Variants in SRL observed in about 807,000 individuals in gnomAD.
The protein encoded by SRL is sarcalumenin.
In SRL, 23 loss-of-function variants were observed where a neutral mutation model predicts 39.5. The observed-to-expected ratio is 0.58, with a 90% CI of 0.42 to 0.82. The LOEUF (loss-of-function observed/expected upper bound fraction) is 0.82, where lower values mean the gene tolerates loss of function less well. SRL is among the 40% of genes least tolerant of loss of function. The pLI is 0.00. For missense variants in SRL, 592 were observed against 607.8 expected (o/e 0.97, Z 0.27); for synonymous variants, 272 against 237.4 (o/e 1.15, Z -1.34).
intron 1 of SRL, among the ~76,000 whole-genome samples, chr16:4,234,665 G>A (rs964384705): frequency 2.6e-5 from 4 of 152,196 alleles, no homozygotes; most frequent in Non-Finnish European, 5.9e-5. Flanking sequence ...CCCCTGTCAC[G>A]TCCTACTGAG....
chr16:4,223,623 T>A (rs1323819639), intron 1 of SRL, among the ~76,000 whole-genome samples: 2 of 151,702 alleles, frequency 1.3e-5, no homozygotes, highest in African/African-American at 4.8e-5. Context: ...TGGGCTCAAG[T>A]GATCCTCCCA....
chr16:4,203,697 T>G (rs1463068429), intron 2 of SRL, among the ~76,000 whole-genome samples: 1 of 152,152 alleles, frequency 6.6e-6, no homozygotes, highest in Non-Finnish European at 1.5e-5. Flanking sequence ...TGAGCTGTTT[T>G]TTTTTAAAAC....
chr16:4,226,350 ATGGATGG>A (rs1279542128), intron 1 of SRL, among the ~76,000 whole-genome samples: 45 of 152,230 alleles, frequency 3.0e-4, no homozygotes, highest in African/African-American at 1.1e-3. Flanking sequence ...AGACGAATGG[ATGGATGG>A]GTAGATGGAT....
chr16:4,230,524 G>A (rs2052648167), intron 1 of SRL, among the ~76,000 whole-genome samples: 1 of 151,868 alleles, frequency 6.6e-6, no homozygotes, highest in South Asian at 2.1e-4. Context: ...GGGATTACAG[G>A]CGGGCACCAC....
intron 1 of SRL, among the ~76,000 whole-genome samples, chr16:4,213,629 T>G (rs377259053): frequency 2.0e-3 from 303 of 152,004 alleles, no homozygotes; most frequent in African/African-American, 5.6e-3. Flanking sequence ...CAGGCTGGTC[T>G]CAAACTCCTG....
intron 1 of SRL, among the ~76,000 whole-genome samples, chr16:4,234,034 G>A (rs1203860003): frequency 6.6e-6 from 1 of 151,930 alleles, no homozygotes; most frequent in East Asian, 1.9e-4. Context: ...TCGCTCTGTT[G>A]CCCAGGCTAG....
intron 3 of SRL, among the ~76,000 whole-genome samples, chr16:4,201,386 C>T (rs568878334): frequency 3.3e-5 from 5 of 150,678 alleles, no homozygotes; most frequent in African/African-American, 1.2e-4. Context: ...AAGTGATTCT[C>T]GTACCTCAGC....
chr16:4,212,609 A>ATGTGGGACAC (rs2052408002), intron 1 of SRL, among the ~76,000 whole-genome samples: 1 of 152,124 alleles, frequency 6.6e-6, no homozygotes, highest in Non-Finnish European at 1.5e-5. Context: ...GAAGTACCGC[A>ATGTGGGACAC]CTGTATGTGC....
intron 1 of SRL, among the ~76,000 whole-genome samples, chr16:4,230,567 T>G (rs2052649077): frequency 2.6e-5 from 4 of 151,616 alleles, no homozygotes; most frequent in African/African-American, 9.7e-5. Context: ...TTTTGTATCT[T>G]TAGTAGAGAC....
chr16:4,228,352 C>T (rs1187805653), intron 1 of SRL, among the ~76,000 whole-genome samples: 2 of 151,488 alleles, frequency 1.3e-5, no homozygotes, highest in African/African-American at 4.9e-5. Flanking sequence ...CAGAGAACTG[C>T]TTGAACCCGG....
At chr16:4,224,760 G>C (rs2052568888) in intron 1 of SRL, among the ~76,000 whole-genome samples, 1 of 151,874 alleles carries the variant, frequency 6.6e-6, no homozygotes, top group East Asian at 1.9e-4. Flanking sequence ...AGTGTCCCCA[G>C]AATGTATATC....
chr16:4,219,394 C>T (rs1000181349), intron 1 of SRL, among the ~76,000 whole-genome samples: 1 of 152,208 alleles, frequency 6.6e-6, no homozygotes, highest in Non-Finnish European at 1.5e-5. Context: ...CAAAGGACAG[C>T]CCCTTGGTGA....
At position 4,194,083 on chromosome 16, in the gene SRL, C is replaced by T. The variant is rs143232536; in HGVS notation, c.611-1119G>A. ...AGATCCACCGTCTGCTCACACATTC[C>T]TGCACTGCCCTGTTCAGGACTCACT... On this transcript the variant is annotated intron_variant, in intron 5 of 5. Coordinates refer to ENST00000399609, the MANE Select transcript of SRL (RefSeq NM_001098814.2). 9.7e-4 allele frequency among the ~76,000 whole-genome samples: 147 copies of T among 152,292 alleles called. 1 individual carries two copies. The highest frequency in any genetic ancestry group is 3.4e-3 in the African/African-American group (140 of 41,564).
chr16:4,231,151 A>G (rs2052656412), intron 1 of SRL, among the ~76,000 whole-genome samples: 1 of 152,184 alleles, frequency 6.6e-6, no homozygotes, highest in African/African-American at 2.4e-5. Flanking sequence ...CCCTGTCTCT[A>G]CAAAAAATAC....
chr16:4,197,719 T>C, intron 4 of SRL, 80 bp downstream of exon 4: 1 of 1,065,272 alleles, frequency 9.4e-7, no homozygotes, highest in Non-Finnish European at 1.5e-6. Context: ...AGTCATAATG[T>C]CCGGCCAGTG....
In SRL at chr16:4,192,654, G is replaced by T. The variant is rs2141019945; in HGVS notation, c.921C>A (p.Phe307Leu). Residue 307 changes from phenylalanine (F) to leucine (L), a missense_variant, in exon 6 of 6, where the codon TTC (phenylalanine) becomes TTA (leucine). By Grantham distance (22) the Phe-to-Leu change is conservative. Coordinates refer to ENST00000399609, the MANE Select transcript of SRL (RefSeq NM_001098814.2). The surrounding 1 kb of genome is among the most constrained non-coding windows in gnomAD (Gnocchi z 4.0). Reference sequence around the variant, plus strand: ...CTAGGAGGGAGATCTCTTCTTGGAGGAACAGTTCCTGATGGGTGTCCGGCT... The same window carrying T: ...CTAGGAGGGAGATCTCTTCTTGGAGTAACAGTTCCTGATGGGTGTCCGGCT... ...EYKPDTHQEL[F>L]LQEEISLLED... 1.2e-6 allele frequency: 2 copies of T among 1,614,114 alleles called. No individual in the cohort carries two copies. The highest frequency in any genetic ancestry group is 2.7e-5 in the African/African-American group (2 of 75,020).
chr16:4,232,227 C>T (rs2052667025), intron 1 of SRL, among the ~76,000 whole-genome samples: 1 of 152,348 alleles, frequency 6.6e-6, no homozygotes, highest in Non-Finnish European at 1.5e-5. Context: ...ATGGTCTCCC[C>T]AGGACAGGGT....
chr16:4,220,252 A>G (rs563132060), intron 1 of SRL, among the ~76,000 whole-genome samples: 217 of 141,770 alleles, frequency 1.5e-3, no homozygotes, highest in African/African-American at 5.5e-3. Context: ...AGCCTGGCCA[A>G]CATAGCGAAA....
At chr16:4,204,403 A>G in intron 2 of SRL, 130 bp downstream of exon 2, 1 of 57,016 alleles carries the variant, frequency 1.8e-5, no homozygotes, top group Non-Finnish European at 2.8e-5. Context: ...CCAGCCTCCA[A>G]GATAGATACA....
Sources: allele counts gnomAD v4.1 joint callset (sites outside exome capture counted in the v4.1 genomes callset), GRCh38; gene constraint gnomAD v4.1.1; non-coding constraint Gnocchi (gnomAD v3.1); transcripts MANE v1.5; gene names NCBI Gene and HGNC (gene_info 2026-07-23, HGNC 2026-07-21).